Variants in FKBP1A observed in about 807,000 individuals in gnomAD.
FKBP1A encodes peptidyl-prolyl cis-trans isomerase FKBP1A.
Under a neutral mutation model 14.2 loss-of-function variants are expected in FKBP1A, and 5 were observed. The ratio of observed to expected loss-of-function variants is 0.35; its 90% CI spans 0.18 to 0.74. The LOEUF (loss-of-function observed/expected upper bound fraction) is 0.74. Ranked by LOEUF, FKBP1A falls within the 30% of genes least tolerant of loss-of-function variation. The pLI is 0.56. For missense variants in FKBP1A, 53 were observed against 138.8 expected (o/e 0.38, Z 3.10); for synonymous variants, 42 against 49.1 (o/e 0.86, Z 0.60).
intron 2 of FKBP1A, among the ~76,000 whole-genome samples, chr20:1,384,779 C>T (rs1233720068): frequency 6.6e-6 from 1 of 152,136 alleles, no homozygotes; most frequent in African/African-American, 2.4e-5. Flanking sequence ...GACCAAAGGT[C>T]CAAGTGCCAA....
chr20:1,375,047 G>A (rs2089521696), intron 3 of FKBP1A, among the ~76,000 whole-genome samples: 1 of 152,124 alleles, frequency 6.6e-6, no homozygotes, highest in Non-Finnish European at 1.5e-5. Context: ...ATGTTGGCCA[G>A]GCTGGTCTCG....
rs1278748942 is a variant in FKBP1A at position 1,369,132 on chromosome 20, CTG to C, written c.*975_*976del. On this transcript the variant is annotated 3_prime_UTR_variant, in exon 5 of 5. Coordinates refer to ENST00000400137, the MANE Select transcript of FKBP1A (RefSeq NM_000801.5). ...GGCTGAGGGAGGAAAAGCCAGGAAA[CTG>C]AGATCAGCAGAGGGAGCCAAGCATC... 1.2e-5 allele frequency: 2 copies of C among 167,086 alleles called. No homozygotes were observed. The highest frequency in any genetic ancestry group is 2.9e-5 in the Non-Finnish European group (2 of 68,158). 10.4% of individuals were successfully genotyped at this position (167,086 alleles called of 1,614,324 possible). A position where few individuals can be genotyped will look rare whatever the true frequency, so the allele number is the denominator to read the frequency against.
At chr20:1,375,200 C>T (rs540225754) in intron 3 of FKBP1A, 2 of 543,146 alleles carry the variant, frequency 3.7e-6, no homozygotes, top group Non-Finnish European at 6.4e-6. Flanking sequence ...CAGCCTACTC[C>T]TCTTTTATGT....
rs1420151108 is a variant in FKBP1A, at chr20:1,386,286, T to C, written c.85+6548A>G. Reference sequence around the variant, plus strand: ...AGGTACTTTCATTGTAACTGACCACTCCCTACAGGGTAAGCTTCTTGAGGG... The same window carrying C: ...AGGTACTTTCATTGTAACTGACCACCCCCTACAGGGTAAGCTTCTTGAGGG... On this transcript the variant is annotated intron_variant, in intron 2 of 4. Transcript: ENST00000400137. The surrounding 1 kb of genome is among the most constrained non-coding windows in gnomAD (Gnocchi z 4.7). Among the ~76,000 whole-genome samples the C allele has an allele frequency of 1.3e-5, 2 of 152,214 alleles. No homozygotes were observed.
At chr20:1,384,909 C>T (rs1197724909) in intron 2 of FKBP1A, among the ~76,000 whole-genome samples, 1 of 152,164 alleles carries the variant, frequency 6.6e-6, no homozygotes, top group Admixed American at 6.5e-5. Context: ...CCTTTAGATC[C>T]TATAACCAAA....
At chr20:1,382,822 G>A (rs1045986411) in intron 2 of FKBP1A, among the ~76,000 whole-genome samples, 7 of 152,196 alleles carry the variant, frequency 4.6e-5, no homozygotes, top group South Asian at 2.1e-4. Flanking sequence ...GGCTGTTGAC[G>A]TCATCTTCGC....
chr20:1,380,576 C>T (rs1044023576), intron 2 of FKBP1A, among the ~76,000 whole-genome samples: 1 of 152,124 alleles, frequency 6.6e-6, no homozygotes, highest in Non-Finnish European at 1.5e-5. Flanking sequence ...GAGCTCTAGA[C>T]CTACCTAACA....
In FKBP1A at chr20:1,372,509, C is replaced by T. The variant is rs113991750; in HGVS notation, c.199-269G>A. 4.7e-3 allele frequency among the ~76,000 whole-genome samples: 712 copies of T among 152,284 alleles called. 4 individuals are homozygous for T. Among genetic ancestry groups the T allele is most frequent in the African/African-American group, 0.016 (675 of 41,562 alleles). On this transcript the variant is annotated intron_variant, in intron 3 of 4. Transcript: ENST00000400137. ...AACGGTCAGGCCCTCAACCTTTCTA[C>T]GCAAGTCTTAATGACTAATGCTAGG...
At chr20:1,383,328 A>G (rs1202858284) in intron 2 of FKBP1A, among the ~76,000 whole-genome samples, 1 of 148,370 alleles carries the variant, frequency 6.7e-6, no homozygotes, top group East Asian at 1.9e-4. Context: ...ACAGGGACAA[A>G]ATATGGGAAG....
intron 2 of FKBP1A, among the ~76,000 whole-genome samples, chr20:1,384,912 T>C (rs1318911010): frequency 6.6e-6 from 1 of 152,202 alleles, no homozygotes. Context: ...TTAGATCCTA[T>C]AACCAAAAGT....
intron 4 of FKBP1A, chr20:1,371,718 A>C: frequency 1.0e-6 from 1 of 1,000,252 alleles, no homozygotes; most frequent in Non-Finnish European, 1.2e-6. Flanking sequence ...GAACAAAGTC[A>C]TTCATTAAGA....
At position 1,369,077 on chromosome 20, in the gene FKBP1A, A is replaced by G. The variant is rs1369383146; in HGVS notation, c.*1032T>C. The G allele has an allele frequency of 6.0e-6, 1 of 167,142 alleles. No homozygotes were observed. The highest frequency in any genetic ancestry group is 1.5e-5 in the Non-Finnish European group (1 of 68,158). The allele number at this position is 167,142 out of a possible 1,614,324, so 10.4% of individuals were successfully genotyped here. The stretch of plus-strand genomic sequence containing the variant: ...TGCAGCAACGATTTCTCACCAAATC[A>G]CTACACAGGACAGCAAAGGGGTGAG... On this transcript the variant is annotated 3_prime_UTR_variant, in exon 5 of 5. Coordinates refer to ENST00000400137, the MANE Select transcript of FKBP1A (RefSeq NM_000801.5).
At chr20:1,374,407 A>G (rs2089509994) in intron 3 of FKBP1A, 1 of 152,218 alleles carries the variant, frequency 6.6e-6, no homozygotes, top group South Asian at 2.1e-4. Flanking sequence ...ACGTCTCAGA[A>G]GTGGTCTCAC....
chr20:1,371,969 A>G, intron 4 of FKBP1A, 107 bp downstream of exon 4: 2 of 1,478,918 alleles, frequency 1.4e-6, no homozygotes, highest in Non-Finnish European at 1.8e-6. Flanking sequence ...GCAGGGGGAA[A>G]AATAGCCTTG....
chr20:1,383,815 C>T (rs2089642754), intron 2 of FKBP1A, among the ~76,000 whole-genome samples: 1 of 145,526 alleles, frequency 6.9e-6, no homozygotes, highest in Non-Finnish European at 1.5e-5. Flanking sequence ...CCAGACTGGG[C>T]AACAGAACGA....
rs2089427869 is a variant in FKBP1A at position 1,369,188 on chromosome 20, G to A, written c.*921C>T. On this transcript the variant is annotated 3_prime_UTR_variant, in exon 5 of 5. Transcript: ENST00000400137. The stretch of plus-strand genomic sequence containing the variant: ...AAACAGGAGATGCTGAAGCTGCGAT[G>A]ACCAGCATCATTTTCTTAAGAGAAC... 6.0e-6 allele frequency: 1 copy of A among 167,024 alleles called. No individual in the cohort carries two copies. Among genetic ancestry groups the A allele is most frequent in the Non-Finnish European group, 1.5e-5 (1 of 68,120 alleles). The allele number at this position is 167,024 out of a possible 1,614,324, so 10.3% of individuals were successfully genotyped here.
intron 4 of FKBP1A, chr20:1,370,591 T>C (rs2089450794): frequency 3.0e-6 from 3 of 985,304 alleles, no homozygotes; most frequent in South Asian, 4.7e-5. Flanking sequence ...ATATCTCCAG[T>C]ATTCATTCAT....
chr20:1,369,444 G>A lies in FKBP1A; in HGVS notation c.*665C>T, dbSNP rs2089431987. On this transcript the variant is annotated 3_prime_UTR_variant, in exon 5 of 5. Transcript: ENST00000400137. ...CCTGCTGGCCCAGGGACAGATACCTGTAGTGTCCAGCATTGCAGTGAACAT... is the reference window on the plus strand; with the variant it reads ...CCTGCTGGCCCAGGGACAGATACCTATAGTGTCCAGCATTGCAGTGAACAT... The A allele has an allele frequency of 1.3e-5, 2 of 153,498 alleles. No individual in the cohort carries two copies. The highest frequency in any genetic ancestry group is 2.6e-5 in the African/African-American group (1 of 37,746). The allele number at this position is 153,498 out of a possible 1,614,324, so 9.5% of individuals were successfully genotyped here.
chr20:1,371,727 G>A (rs931880189), intron 4 of FKBP1A: 11 of 1,005,466 alleles, frequency 1.1e-5, no homozygotes, highest in Non-Finnish European at 1.2e-5. Context: ...CATTCATTAA[G>A]AGTCTTATTT....
Sources: gnomAD v4.1 joint callset for allele counts (sites outside exome capture counted in the v4.1 genomes callset) on GRCh38, gnomAD v4.1.1 for gene constraint, Gnocchi (gnomAD v3.1) non-coding constraint, MANE v1.5 for transcripts, NCBI Gene and HGNC (gene_info 2026-07-23, HGNC 2026-07-21) for gene names.